Variants in NOS3 observed in about 807,000 individuals in gnomAD.
NOS3 encodes nitric oxide synthase 3.
Under a neutral mutation model 144.9 loss-of-function variants are expected in NOS3, and 98 were observed. That is an observed-to-expected ratio of 0.68 (90% CI 0.57 to 0.80). The LOEUF (loss-of-function observed/expected upper bound fraction) is 0.80. Ranked by LOEUF, NOS3 falls within the 30% of genes least tolerant of loss-of-function variation. The pLI is 0.00. For synonymous variants in NOS3, 714 were observed against 702.4 expected, an observed-to-expected ratio of 1.02 and a Z score of -0.26; for missense variants, 1,465 against 1,656.4, an observed-to-expected ratio of 0.88 and a Z score of 2.01.
Position 151,007,022 on chromosome 7 carries a change from G to C in NOS3, c.1937+17G>C. ...CACCCTCAGGTCAGGGCCTCACCAA[G>C]AGGGGTGCAACGGGTGGGCAAGCTG... On this transcript the variant is annotated intron_variant, in intron 16 of 26. Coordinates refer to ENST00000297494, the MANE Select transcript of NOS3 (RefSeq NM_000603.5). 6.2e-7 allele frequency: 1 copy of C among 1,613,842 alleles called. No homozygotes were observed. Among genetic ancestry groups the C allele is most frequent in the East Asian group, 2.2e-5 (1 of 44,886 alleles).
In NOS3 at chr7:150,998,544, C is replaced by T; in HGVS notation, c.680C>T (p.Ala227Val). ...YATNRGNLRS[A>V]ITVFPQRCPG... ...TCTTTCCCCATGCGTGCCAGCTCGG[C>T]CATCACAGTGTTCCCGCAGCGCTGC... is the stretch of plus-strand genomic sequence containing the variant. Residue 227 changes from alanine (A) to valine (V), a missense_variant, in exon 7 of 27, where the codon GCC becomes GTC. Around this residue, in one of 5 missense-constraint regions of NOS3, gnomAD observed 374 missense variants for 377.0 expected, o/e 0.99. Coordinates refer to ENST00000297494, the MANE Select transcript of NOS3 (RefSeq NM_000603.5). The surrounding 1 kb of genome is among the most constrained non-coding windows in gnomAD (Gnocchi z 5.0). 6.2e-7 allele frequency: 1 copy of T among 1,610,722 alleles called. No individual in the cohort carries two copies. Among genetic ancestry groups the T allele is most frequent in the Non-Finnish European group, 8.5e-7 (1 of 1,179,226 alleles).
chr7:151,013,195 G>A (rs1270450138), intron 24 of NOS3, 36 bp from the exon 25 acceptor site: 1 of 1,594,170 alleles, frequency 6.3e-7, no homozygotes, highest in East Asian at 2.2e-5. Flanking sequence ...ACTGTGCCCC[G>A]GAGAAGAGCC....
In NOS3 at chr7:151,014,518, A is replaced by T. The variant is rs1203334708; in HGVS notation, c.*349A>T. ...AGTCTAATCTCTAAATCAAGTATTT[A>T]TTATTGAAGATTTACCATAAGGGAC... On this transcript the variant is annotated 3_prime_UTR_variant, in exon 27 of 27. Coordinates refer to ENST00000297494, the MANE Select transcript of NOS3 (RefSeq NM_000603.5). 7 of 261,582 alleles carry T rather than the reference A, an allele frequency of 2.7e-5. No individual in the cohort carries two copies. Among genetic ancestry groups the T allele is most frequent in the Non-Finnish European group, 5.1e-5 (7 of 138,286 alleles). The allele number at this position is 261,582 out of a possible 1,614,324, so 16.2% of individuals were successfully genotyped here.
rs995961601 is a variant in NOS3 at position 151,009,187 on chromosome 7, A to C, written c.2246-2A>C. 3.5e-5 allele frequency: 57 copies of C among 1,610,694 alleles called. No homozygotes were observed. Among genetic ancestry groups the C allele is most frequent in the Non-Finnish European group, 4.5e-5 (53 of 1,178,924 alleles). On this transcript the variant is annotated splice_acceptor_variant, in intron 18 of 26. Coordinates refer to ENST00000297494, the MANE Select transcript of NOS3 (RefSeq NM_000603.5). LOFTEE classifies it high-confidence loss of function. The stretch of plus-strand genomic sequence containing the variant: ...GCCTCATTTGCCCCTCCCCGCCCCC[A>C]GGTCTGATCCACGTGCACAGGCGGA...
rs3918237 is a variant in NOS3 at position 151,012,207 on chromosome 7, A to G, written c.2985-144A>G. 5 of 639,482 alleles carry G rather than the reference A, an allele frequency of 7.8e-6. 1 individual carries two copies. Among genetic ancestry groups the G allele is most frequent in the Non-Finnish European group, 1.3e-5 (5 of 389,666 alleles). The allele number at this position is 639,482 out of a possible 1,614,324, so 39.6% of individuals were successfully genotyped here. ...AGATCCAAGGAGTTTCAGCAAGTAG[A>G]GTTGTTTTTTGTTTTTTGTTTTTTT... On this transcript the variant is annotated intron_variant, in intron 23 of 26. Transcript: ENST00000297494.
chr7:151,014,511 A>C lies in NOS3; in HGVS notation c.*342A>C, dbSNP rs1345709747. The stretch of plus-strand genomic sequence containing the variant: ...CCTGTAAAGTCTAATCTCTAAATCA[A>C]GTATTTATTATTGAAGATTTACCAT... On this transcript the variant is annotated 3_prime_UTR_variant, in exon 27 of 27. Transcript: ENST00000297494. The C allele has an allele frequency of 7.0e-6, 2 of 287,064 alleles. No individual in the cohort carries two copies. Among genetic ancestry groups the C allele is most frequent in the Non-Finnish European group, 1.3e-5 (2 of 154,576 alleles). 17.8% of individuals were successfully genotyped at this position (287,064 alleles called of 1,614,324 possible).
At position 151,014,344 on chromosome 7, in the gene NOS3, C is replaced by T. The variant is rs1795393181; in HGVS notation, c.*175C>T. 1.4e-6 allele frequency: 1 copy of T among 708,810 alleles called. No homozygotes were observed. The highest frequency in any genetic ancestry group is 3.1e-5 in the Admixed American group (1 of 31,828). The allele number at this position is 708,810 out of a possible 1,614,324, so 43.9% of individuals were successfully genotyped here. On this transcript the variant is annotated 3_prime_UTR_variant, in exon 27 of 27. Coordinates refer to ENST00000297494, the MANE Select transcript of NOS3 (RefSeq NM_000603.5). ...AAGGAGCAAAACGCCTCTTTTCCCT[C>T]TCTAGGCCTGTTGCCTCGGGCCTGG... is the stretch of plus-strand genomic sequence containing the variant.
chr7:151,010,087 C>T (rs1563230473), intron 20 of NOS3, 28 bp from the exon 21 acceptor site: 9 of 1,515,116 alleles, frequency 5.9e-6, no homozygotes, highest in South Asian at 1.2e-5. Context: ...GGGCCCTGTC[C>T]TCAGAGCTCC....
At chr7:151,009,864 C>T (rs1477675129) in intron 20 of NOS3, among the ~76,000 whole-genome samples, 1 of 152,200 alleles carries the variant, frequency 6.6e-6, no homozygotes, top group Non-Finnish European at 1.5e-5. Flanking sequence ...CTGGAGCTGG[C>T]ACTGGGGCTA....
chr7:151,009,735 C>A (rs1584911310), intron 20 of NOS3, 150 bp downstream of exon 20: 2 of 690,672 alleles, frequency 2.9e-6, no homozygotes, highest in East Asian at 5.5e-5. Flanking sequence ...GCTGTGCTGC[C>A]CACTGCCGGG....
At position 150,998,860 on chromosome 7, in the gene NOS3, A is replaced by G. The variant is rs889514921; in HGVS notation, c.817-86A>G. ...ACCCAGCCAATGAGGGACCCTGGAG[A>G]TGAAGGCAGGAGACAGTGGATGGAG... On this transcript the variant is annotated intron_variant, in intron 7 of 26. Coordinates refer to ENST00000297494, the MANE Select transcript of NOS3 (RefSeq NM_000603.5). The surrounding 1 kb of genome is among the most constrained non-coding windows in gnomAD (Gnocchi z 5.0). The G allele has an allele frequency of 6.5e-7, 1 of 1,528,214 alleles. No individual in the cohort carries two copies. The highest frequency in any genetic ancestry group is 2.3e-5 in the East Asian group (1 of 43,766). The allele number at this position is 1,528,214 out of a possible 1,614,324, so 94.7% of individuals were successfully genotyped here. A position where few individuals can be genotyped will look rare whatever the true frequency, so the allele number is the denominator to read the frequency against.
rs1584916494 is a variant in NOS3, at chr7:151,014,228, C to T, written c.*59C>T. Reference sequence around the variant, plus strand: ...AGCGGCTGCCCGACTCAGGTCCGCCCGACCAGGATCAGCCCCGCTCCTCCC... The same window carrying T: ...AGCGGCTGCCCGACTCAGGTCCGCCTGACCAGGATCAGCCCCGCTCCTCCC... On this transcript the variant is annotated 3_prime_UTR_variant, in exon 27 of 27. Transcript: ENST00000297494. The T allele has an allele frequency of 1.3e-5, 19 of 1,505,530 alleles. No individual in the cohort carries two copies. In the East Asian group the frequency reaches 4.1e-4, roughly 32 times the overall value. 93.3% of individuals were successfully genotyped at this position (1,505,530 alleles called of 1,614,324 possible). A position where few individuals can be genotyped will look rare whatever the true frequency, so the allele number is the denominator to read the frequency against.
intron 4 of NOS3, 27 bp from the exon 5 acceptor site, chr7:150,996,736 T>TCC (rs1382822205): frequency 1.2e-5 from 19 of 1,607,986 alleles, no homozygotes; most frequent in Non-Finnish European, 1.6e-5. Flanking sequence ...TTCCTGCTTG[T>TCC]CCCCTTCCCA....
At chr7:150,994,214 C>T (rs931891095) in intron 2 of NOS3, among the ~76,000 whole-genome samples, 3 of 152,124 alleles carry the variant, frequency 2.0e-5, no homozygotes, top group South Asian at 4.1e-4. Context: ...GCTGCTCTGC[C>T]GCCAGGAGCT....
At chr7:151,000,427 G>C in intron 9 of NOS3, 71 bp from the exon 10 acceptor site, 2 of 964,278 alleles carry the variant, frequency 2.1e-6, no homozygotes, top group Non-Finnish European at 3.4e-6. Flanking sequence ...ACGGGAAACA[G>C]AGATAGTCTC....
rs1287075410 is a variant in NOS3 at position 150,996,480 on chromosome 7, GC to G, written c.353del (p.Pro118ArgfsTer7). On this transcript the variant is annotated frameshift_variant, in exon 4 of 27. Transcript: ENST00000297494. LOFTEE classifies it high-confidence loss of function. ...PRKLQGRPSP[G>X]PPAPEQLLSQ... is the part of the protein sequence containing the mutation. ...AAACTACAGGGCCGGCCCTCCCCCGGCCCCCCGGCCCCTGAGCAGCTGCTGA... is the reference window on the plus strand; with the variant it reads ...AAACTACAGGGCCGGCCCTCCCCCGGCCCCCGGCCCCTGAGCAGCTGCTGA... 1.1e-5 allele frequency: 18 copies of G among 1,597,030 alleles called. No individual in the cohort carries two copies. Among genetic ancestry groups the G allele is most frequent in the Non-Finnish European group, 1.4e-5 (17 of 1,173,166 alleles).
Position 151,010,895 on chromosome 7 carries a change from C to A in NOS3, c.2897-4C>A, listed in dbSNP as rs1197218916. 1 of 1,613,204 alleles carries A rather than the reference C, an allele frequency of 6.2e-7. No individual in the cohort carries two copies. The highest frequency in any genetic ancestry group is 1.7e-5 in the Admixed American group (1 of 59,946). ...CCTCACCGGCCTCTCCTTCCCACCC[C>A]CAGATGGGCTGGGCCCCCTGCACTA... On this transcript the variant is annotated splice_polypyrimidine_tract_variant and splice_region_variant and intron_variant, in intron 22 of 26. Coordinates refer to ENST00000297494, the MANE Select transcript of NOS3 (RefSeq NM_000603.5).
chr7:151,010,558 G>T, intron 21 of NOS3, 39 bp from the exon 22 acceptor site: 1 of 1,512,162 alleles, frequency 6.6e-7, no homozygotes, highest in Non-Finnish European at 8.9e-7. Flanking sequence ...ACTAGGAAGG[G>T]CTATGGGGCC....
chr7:151,009,743 G>A (rs1393382450), intron 20 of NOS3, among the ~76,000 whole-genome samples, 158 bp downstream of exon 20: 1 of 152,046 alleles, frequency 6.6e-6, no homozygotes, highest in African/African-American at 2.4e-5. Flanking sequence ...GCCCACTGCC[G>A]GGCTGGCCTT....
Sources: allele counts gnomAD v4.1 joint callset (sites outside exome capture counted in the v4.1 genomes callset), GRCh38; gene constraint gnomAD v4.1.1; regional missense constraint gnomAD v4.1.1; non-coding constraint Gnocchi (gnomAD v3.1); transcripts MANE v1.5; gene names NCBI Gene and HGNC (gene_info 2026-07-23, HGNC 2026-07-21).